Variants in UNK observed in about 807,000 individuals in gnomAD.
UNK encodes unk zinc finger, also known as RING finger protein unkempt homolog.
UNK carries 32 observed loss-of-function variants against 97.6 expected under a neutral mutation model. The ratio of observed to expected loss-of-function variants is 0.33; its 90% confidence interval spans 0.25 to 0.44. The LOEUF (loss-of-function observed/expected upper bound fraction) is 0.44, where lower values mean the gene tolerates loss of function less well. Ranked by LOEUF, UNK falls within the 20% of genes least tolerant of loss-of-function variation. The probability of loss-of-function intolerance (pLI) is 1.00; values close to 1 mark genes in which losing one functional copy is unlikely to be tolerated. For missense variants in UNK, 771 were observed against 1,098.4 expected (o/e 0.70, Z 4.21); for synonymous variants, 441 against 461.2 (o/e 0.96, Z 0.56).
In UNK at chr17:75,824,617, C is replaced by CT; in HGVS notation, c.*201dup. On this transcript the variant is annotated 3_prime_UTR_variant, in exon 16 of 16. Transcript: ENST00000589666. The surrounding 1 kb of genome is among the most constrained non-coding windows in gnomAD (Gnocchi z 4.9). ...GTATGCGTGGTGGTGTGGACAGTGTCTGTGTGTATATCTGTACATAGATAT... is the reference window on the plus strand; with the variant it reads ...GTATGCGTGGTGGTGTGGACAGTGTCTTGTGTGTATATCTGTACATAGATAT... 1 of 286,930 alleles carries CT rather than the reference C, an allele frequency of 3.5e-6. No homozygotes were observed. Among genetic ancestry groups the CT allele is most frequent in the Non-Finnish European group, 5.9e-6 (1 of 169,418 alleles). The allele number at this position is 286,930 out of a possible 1,614,324, so 17.8% of individuals were successfully genotyped here. A position where few individuals can be genotyped will look rare whatever the true frequency, so the allele number is the denominator to read the frequency against.
At position 75,810,631 on chromosome 17, in the gene UNK, G is replaced by A. The variant is rs116173678; in HGVS notation, c.314+662G>A. Among the ~76,000 whole-genome samples the A allele has an allele frequency of 9.0e-3, 1,363 of 152,104 alleles. 12 individuals are homozygous for A. The highest frequency in any genetic ancestry group is 0.03 in the African/African-American group (1,259 of 41,502). On this transcript the variant is annotated intron_variant, in intron 2 of 15. Transcript: ENST00000589666. ...GTCTCCCTCTTTCCCCCAGGCTGGA[G>A]TGCAGTGGCAGCATCCTCGCTGCAC...
At chr17:75,791,279 T>C (rs56829726) in intron 1 of UNK, among the ~76,000 whole-genome samples, 1,756 of 152,324 alleles carry the variant, frequency 0.012, 35 homozygotes, top group African/African-American at 0.04. Flanking sequence ...ACAAAGATAA[T>C]GTAGCAATAC....
Position 75,818,101 on chromosome 17 carries a change from A to G in UNK, c.1306-2A>G. On this transcript the variant is annotated splice_acceptor_variant, in intron 9 of 15. Coordinates refer to ENST00000589666, the MANE Select transcript of UNK (RefSeq NM_001080419.3). LOFTEE classifies it high-confidence loss of function. The surrounding 1 kb of genome is among the most constrained non-coding windows in gnomAD (Gnocchi z 5.1). ...ATCCACTCCCTGAATTTTCTCTCTC[A>G]GGCCAAATTAAAACCCCACTCATTA... 6.2e-7 allele frequency: 1 copy of G among 1,613,238 alleles called. No individual in the cohort carries two copies. Among genetic ancestry groups the G allele is most frequent in the Non-Finnish European group, 8.5e-7 (1 of 1,179,738 alleles).
chr17:75,819,995 C>T lies in UNK; in HGVS notation c.1724C>T (p.Ala575Val). 1.2e-6 allele frequency: 2 copies of T among 1,613,872 alleles called. No homozygotes were observed. The highest frequency in any genetic ancestry group is 8.5e-7 in the Non-Finnish European group (1 of 1,179,878). ...GGCAGCTCTGCCTCCTTCCACTCAGCATCCCCGTCCCCTCCCGTCAGCCTC... is the reference window on the plus strand; with the variant it reads ...GGCAGCTCTGCCTCCTTCCACTCAGTATCCCCGTCCCCTCCCGTCAGCCTC... ...SLGSSASFHS[A>V]SPSPPVSLSS... Residue 575 changes from alanine (A) to valine (V), a missense_variant, in exon 13 of 16, where the codon GCA becomes GTA. Ala to Val is a moderately conservative substitution (Grantham distance 64). Coordinates refer to ENST00000589666, the MANE Select transcript of UNK (RefSeq NM_001080419.3). This position sits in a 1 kb window ranked among gnomAD's most constrained non-coding sequence, Gnocchi z 5.4.
chr17:75,805,399 GAAAAAA>G (rs75234473), intron 1 of UNK, among the ~76,000 whole-genome samples: 1 of 104,886 alleles, frequency 9.5e-6, no homozygotes, highest in Non-Finnish European at 2.0e-5. Context: ...TCTCAAAAAG[GAAAAAA>G]AAAAAAAAAA....
rs766968667 is a variant in UNK at position 75,785,004 on chromosome 17, C to A, written c.104+20C>A. The A allele has an allele frequency of 1.4e-4, 200 of 1,401,402 alleles. No individual in the cohort carries two copies. In the East Asian group the frequency reaches 1.8e-3, roughly 12 times the overall value. 86.8% of individuals were successfully genotyped at this position (1,401,402 alleles called of 1,614,324 possible). ...CTACACGTACGTAGAGCCCCCCCCC[C>A]CCCGCCGCGCGCGCACGCCTGACGT... On this transcript the variant is annotated intron_variant, in intron 1 of 15. Coordinates refer to ENST00000589666, the MANE Select transcript of UNK (RefSeq NM_001080419.3).
intron 1 of UNK, chr17:75,809,088 G>A (rs1221224478): frequency 1.4e-5 from 2 of 147,276 alleles, no homozygotes; most frequent in East Asian, 2.2e-4. Flanking sequence ...CTGGAGCGGC[G>A]GGGGCGGGGG....
Position 75,817,973 on chromosome 17 carries a change from T to C in UNK, c.1306-130T>C. The stretch of plus-strand genomic sequence containing the variant: ...GGGGGTGGGGAGGAAGAAGGGGGTG[T>C]GTGCATGCATGTGAAGAGGGGTTGC... On this transcript the variant is annotated intron_variant, in intron 9 of 15. Transcript: ENST00000589666. This position sits in a 1 kb window ranked among gnomAD's most constrained non-coding sequence, Gnocchi z 5.8. 1.2e-6 allele frequency: 1 copy of C among 813,652 alleles called. No individual in the cohort carries two copies. The highest frequency in any genetic ancestry group is 2.0e-6 in the Non-Finnish European group (1 of 493,924). 50.4% of individuals were successfully genotyped at this position (813,652 alleles called of 1,614,324 possible).
intron 4 of UNK, 81 bp downstream of exon 4, chr17:75,812,666 A>G: frequency 1.9e-6 from 3 of 1,539,040 alleles, no homozygotes; most frequent in Non-Finnish European, 2.6e-6. Flanking sequence ...ACCACCACCT[A>G]CTGCCTGCTC....
chr17:75,824,123 CAG>C lies in UNK; in HGVS notation c.2278-138_2278-137del, dbSNP rs1285154864. ...CTCAGCCTGCTCTCTCACCTGCCAA[CAG>C]GGGTCTGGGAGCACACTGTTGAGCT... On this transcript the variant is annotated intron_variant, in intron 15 of 15. Coordinates refer to ENST00000589666, the MANE Select transcript of UNK (RefSeq NM_001080419.3). This position sits in a 1 kb window ranked among gnomAD's most constrained non-coding sequence, Gnocchi z 4.9. The C allele has an allele frequency of 6.3e-5, 68 of 1,078,024 alleles. No individual in the cohort carries two copies. Among genetic ancestry groups the C allele is most frequent in the African/African-American group, 8.4e-5 (5 of 59,662 alleles). 66.8% of individuals were successfully genotyped at this position (1,078,024 alleles called of 1,614,324 possible). A position where few individuals can be genotyped will look rare whatever the true frequency, so the allele number is the denominator to read the frequency against.
chr17:75,792,745 G>T (rs1358450821), intron 1 of UNK: 3 of 153,446 alleles, frequency 2.0e-5, no homozygotes, highest in Admixed American at 6.5e-5. Flanking sequence ...ATATGGTGAA[G>T]GTTACATAAT....
rs1175074780 is a variant in UNK at position 75,819,905 on chromosome 17, G to A, written c.1649-15G>A. The A allele has an allele frequency of 6.2e-7, 1 of 1,604,786 alleles. No individual in the cohort carries two copies. Among genetic ancestry groups the A allele is most frequent in the East Asian group, 2.2e-5 (1 of 44,578 alleles). On this transcript the variant is annotated splice_polypyrimidine_tract_variant and intron_variant, in intron 12 of 15. Coordinates refer to ENST00000589666, the MANE Select transcript of UNK (RefSeq NM_001080419.3). The surrounding 1 kb of genome is among the most constrained non-coding windows in gnomAD (Gnocchi z 5.4). The stretch of plus-strand genomic sequence containing the variant: ...TGCCCTCACCCAGCCCGTCCTCCCC[G>A]GGCCTCTCTTGCAGGCGGCAGCTTG...
chr17:75,789,392 A>C (rs1013627326), intron 1 of UNK, among the ~76,000 whole-genome samples: 1 of 151,644 alleles, frequency 6.6e-6, no homozygotes, highest in Non-Finnish European at 1.5e-5. Context: ...GCTGGAGTGC[A>C]GTGGCGCGAT....
At position 75,822,570 on chromosome 17, in the gene UNK, C is replaced by A. The variant is rs762849055; in HGVS notation, c.1931C>A (p.Ala644Asp). The A allele has an allele frequency of 3.1e-6, 5 of 1,613,632 alleles. No individual in the cohort carries two copies. In the East Asian group the frequency reaches 8.9e-5, roughly 29 times the overall value. The part of the protein sequence containing the change: ...TSPAFLSGPG[A>D]AELARLRQEL... ...CCCGCTTTCCTATCAGGGCCAGGGG[C>A]TGCCGAGCTGGCCCGACTTCGGCAA... Residue 644 changes from alanine (A) to aspartate (D), a missense_variant, in exon 14 of 16, where the codon GCT becomes GAT. Transcript: ENST00000589666.
At chr17:75,821,048 A>T (rs555474800) in intron 13 of UNK, among the ~76,000 whole-genome samples, 2 of 103,780 alleles carry the variant, frequency 1.9e-5, no homozygotes, top group African/African-American at 6.1e-5. Context: ...TTCGGATAGG[A>T]TCTGTTTTTT....
chr17:75,792,626 C>A, intron 1 of UNK: 3 of 379,158 alleles, frequency 7.9e-6, no homozygotes, highest in Non-Finnish European at 1.1e-5. Context: ...TTCACCCCAG[C>A]CAGTCATCTT....
chr17:75,804,896 T>C (rs1198673143), intron 1 of UNK, among the ~76,000 whole-genome samples: 1 of 148,282 alleles, frequency 6.7e-6, no homozygotes, highest in Non-Finnish European at 1.5e-5. Context: ...ATATCCTGAA[T>C]AAAAATTATA....
intron 1 of UNK, chr17:75,785,558 CG>C (rs1402230515): frequency 6.6e-6 from 1 of 152,542 alleles, no homozygotes; most frequent in African/African-American, 2.4e-5. Flanking sequence ...CCGTTTCCCT[CG>C]CGGGCTGTGC....
chr17:75,799,173 G>T (rs1028319507), intron 1 of UNK, among the ~76,000 whole-genome samples: 1 of 152,134 alleles, frequency 6.6e-6, no homozygotes, highest in Admixed American at 6.5e-5. Flanking sequence ...TTAGCTGGGT[G>T]GGGTGGCAGG....
Sources: gnomAD v4.1 joint callset for allele counts (sites outside exome capture counted in the v4.1 genomes callset) on GRCh38, gnomAD v4.1.1 for gene constraint, Gnocchi (gnomAD v3.1) non-coding constraint, MANE v1.5 for transcripts, NCBI Gene and HGNC (gene_info 2026-07-23, HGNC 2026-07-21) for gene names.